EHHADH: variants seen among roughly 807,000 people sequenced by gnomAD.
EHHADH encodes the protein enoyl-CoA hydratase and 3-hydroxyacyl CoA dehydrogenase, also known as peroxisomal bifunctional enzyme.
EHHADH carries 48 observed loss-of-function variants against 64.4 expected under a neutral mutation model. The observed-to-expected ratio is 0.75, with a 90% CI of 0.59 to 0.95. The LOEUF is 0.95. EHHADH is among the 40% of genes least tolerant of loss of function. EHHADH has a pLI of 0.00. For synonymous variants in EHHADH, 308 were observed against 326.7 expected (o/e 0.94, Z 0.62); for missense variants, 854 against 876.6 (o/e 0.97, Z 0.33).
At chr3:185,221,298 CA>C (rs1473321899) in intron 4 of EHHADH, among the ~76,000 whole-genome samples, 4 of 152,138 alleles carry the variant, frequency 2.6e-5, no homozygotes, top group Non-Finnish European at 5.9e-5. Context: ...TTGTCTTTTG[CA>C]CAATAAATTG....
intron 2 of EHHADH, among the ~76,000 whole-genome samples, chr3:185,243,623 C>G (rs1419100351): frequency 6.6e-6 from 1 of 152,102 alleles, no homozygotes; most frequent in Non-Finnish European, 1.5e-5. Flanking sequence ...TGTTTAGTTC[C>G]CATGTATTTG....
At chr3:185,223,093 C>T (rs1038079638) in intron 4 of EHHADH, among the ~76,000 whole-genome samples, 1 of 152,026 alleles carries the variant, frequency 6.6e-6, no homozygotes, top group African/African-American at 2.4e-5. Flanking sequence ...TTGGTTATTG[C>T]TTTCATTTTT....
At chr3:185,207,104 C>A (rs13073224) in intron 5 of EHHADH, among the ~76,000 whole-genome samples, 4 of 151,646 alleles carry the variant, frequency 2.6e-5, no homozygotes, top group Non-Finnish European at 5.9e-5. Flanking sequence ...ACCTGGGCAA[C>A]GTGGTGAAAC....
chr3:185,240,963 C>T (rs949602546), intron 2 of EHHADH, among the ~76,000 whole-genome samples: 1 of 151,188 alleles, frequency 6.6e-6, no homozygotes, highest in East Asian at 2.0e-4. Flanking sequence ...CCCACTCCCA[C>T]CCTTCCCCCC....
intron 4 of EHHADH, among the ~76,000 whole-genome samples, chr3:185,224,463 TGTACTCCAGTCTGGGAGACA>T (rs921351338): frequency 8.1e-5 from 11 of 135,818 alleles, no homozygotes; most frequent in Non-Finnish European, 1.7e-4. Flanking sequence ...ATCGTGCCAC[TGTACTCCAGTCTGGGAGACA>T]GAATGAGACC....
intron 3 of EHHADH, among the ~76,000 whole-genome samples, chr3:185,233,451 C>A (rs1372867127): frequency 1.3e-5 from 2 of 151,920 alleles, no homozygotes; most frequent in Non-Finnish European, 1.5e-5. Flanking sequence ...AACAAAAAAA[C>A]CAAAAAGCAT....
In EHHADH at chr3:185,193,101, A is replaced by T. The variant is rs759208741; in HGVS notation, c.1297T>A (p.Phe433Ile). The change falls in exon 7 of 7, where the codon TTC (phenylalanine) becomes ATC (isoleucine). Residue 433 changes from phenylalanine to isoleucine, a missense_variant. Coordinates refer to ENST00000231887, the MANE Select transcript of EHHADH (RefSeq NM_001966.4). ...TTCATGACATGAGCTGGCGAAAAGA[A>T]GTGGGTGCCAATGACCAAGTGAGGA... ...DRPHLVIGTH[F>I]FSPAHVMKLL... 1.2e-6 allele frequency: 2 copies of T among 1,613,818 alleles called. No individual in the cohort carries two copies. Among genetic ancestry groups the T allele is most frequent in the South Asian group, 2.2e-5 (2 of 91,002 alleles).
At chr3:185,250,282 A>G (rs1270338488) in intron 1 of EHHADH, among the ~76,000 whole-genome samples, 1 of 152,248 alleles carries the variant, frequency 6.6e-6, no homozygotes, top group Non-Finnish European at 1.5e-5. Context: ...AGAGATAGCT[A>G]AAACCAAGAC....
chr3:185,206,598 C>A (rs1378017499), intron 5 of EHHADH, among the ~76,000 whole-genome samples: 2 of 151,754 alleles, frequency 1.3e-5, no homozygotes, highest in Non-Finnish European at 2.9e-5. Flanking sequence ...GAGGCCGAGG[C>A]GGGTGGATTG....
At chr3:185,215,618 TC>T (rs1182143119) in intron 5 of EHHADH, among the ~76,000 whole-genome samples, 1 of 151,816 alleles carries the variant, frequency 6.6e-6, no homozygotes, top group Non-Finnish European at 1.5e-5. Context: ...TTCACCAAAC[TC>T]CCCCTTAAAA....
At chr3:185,199,548 G>T (rs150815538) in intron 6 of EHHADH, among the ~76,000 whole-genome samples, 1 of 152,208 alleles carries the variant, frequency 6.6e-6, no homozygotes, top group Non-Finnish European at 1.5e-5. Flanking sequence ...GCCAAACCCC[G>T]CCCACTGCCG....
chr3:185,239,725 A>C (rs969036020), intron 2 of EHHADH, among the ~76,000 whole-genome samples: 6 of 152,136 alleles, frequency 3.9e-5, no homozygotes, highest in Admixed American at 1.3e-4. Context: ...TTATCAATGA[A>C]CACAGGAAAT....
intron 1 of EHHADH, among the ~76,000 whole-genome samples, chr3:185,250,411 C>T (rs1719714079): frequency 6.6e-6 from 1 of 151,952 alleles, no homozygotes; most frequent in African/African-American, 2.4e-5. Context: ...GTCACAAAGA[C>T]CAAGAGAGAA....
chr3:185,229,459 G>T lies in EHHADH; in HGVS notation c.436C>A (p.Pro146Thr). 6.4e-7 allele frequency: 1 copy of T among 1,563,692 alleles called. No individual in the cohort carries two copies. Among genetic ancestry groups the T allele is most frequent in the Non-Finnish European group, 8.7e-7 (1 of 1,150,152 alleles). ...TQLLPRLTGV[P>T]AALDLITSGR... ...GAGGTAATTAAGTCAAGTGCAGCAG[G>T]AACTCCAGTGAGTCTGGGGAGAAGC... Residue 146 changes from proline to threonine, a missense_variant, in exon 4 of 7, where the codon CCT (proline) becomes ACT (threonine). By Grantham distance (38) the Pro-to-Thr change is conservative. Coordinates refer to ENST00000231887, the MANE Select transcript of EHHADH (RefSeq NM_001966.4).
rs1239033202 is a variant in EHHADH at position 185,216,903 on chromosome 3, G to T, written c.568+1233C>A. 6.6e-6 allele frequency among the ~76,000 whole-genome samples: 1 copy of T among 152,076 alleles called. No individual in the cohort carries two copies. On this transcript the variant is annotated intron_variant, in intron 5 of 6. Coordinates refer to ENST00000231887, the MANE Select transcript of EHHADH (RefSeq NM_001966.4). This position sits in a 1 kb window ranked among gnomAD's most constrained non-coding sequence, Gnocchi z 5.3. ...GATGACAACATCCATAGACTGAAAA[G>T]AAACTGTGAAACAAACAAAAAAACC...
chr3:185,194,678 TA>T (rs1718007417), intron 6 of EHHADH, among the ~76,000 whole-genome samples: 1 of 151,464 alleles, frequency 6.6e-6, no homozygotes, highest in South Asian at 2.1e-4. Context: ...TGCATGCCTA[TA>T]GTCACAGCTA....
chr3:185,200,071 T>G (rs1457286904), intron 6 of EHHADH, among the ~76,000 whole-genome samples: 1 of 152,240 alleles, frequency 6.6e-6, no homozygotes, highest in African/African-American at 2.4e-5. Flanking sequence ...ACCCTGGTCC[T>G]AGAATGACCT....
rs528416708 is a variant in EHHADH at position 185,222,848 on chromosome 3, C to T, written c.464-4608G>A. On this transcript the variant is annotated intron_variant, in intron 4 of 6. Coordinates refer to ENST00000231887, the MANE Select transcript of EHHADH (RefSeq NM_001966.4). ...CATAGCATCCTAGCATGTGAATATT[C>T]CACAGCATTTACTTGTGGCTGGTAT... is the stretch of plus-strand genomic sequence containing the variant. Among the ~76,000 whole-genome samples the T allele has an allele frequency of 1.9e-4, 29 of 152,292 alleles. No homozygotes were observed. The South Asian group carries it at 5.8e-3, about 30-fold the overall frequency.
At position 185,246,338 on chromosome 3, in the gene EHHADH, G is replaced by A. The variant is rs148587401; in HGVS notation, c.178+2076C>T. ...CCAGACTTTTGTTTCTGAGGGCTGCGTTTCCTGTTTGAGTATCCCCTTCCT... is the reference window on the plus strand; with the variant it reads ...CCAGACTTTTGTTTCTGAGGGCTGCATTTCCTGTTTGAGTATCCCCTTCCT... On this transcript the variant is annotated intron_variant, in intron 2 of 6. Coordinates refer to ENST00000231887, the MANE Select transcript of EHHADH (RefSeq NM_001966.4). 90 of 720,726 alleles carry A rather than the reference G, an allele frequency of 1.2e-4. No individual in the cohort carries two copies. The East Asian group carries it at 2.3e-3, about 19-fold the overall frequency. The allele number at this position is 720,726 out of a possible 1,614,324, so 44.6% of individuals were successfully genotyped here. A position where few individuals can be genotyped will look rare whatever the true frequency, so the allele number is the denominator to read the frequency against.
Sources: allele counts gnomAD v4.1 joint callset (sites outside exome capture counted in the v4.1 genomes callset), GRCh38; gene constraint gnomAD v4.1.1; non-coding constraint Gnocchi (gnomAD v3.1); transcripts MANE v1.5; gene names NCBI Gene and HGNC (gene_info 2026-07-23, HGNC 2026-07-21).